C10orf90: variants seen among roughly 807,000 people sequenced by gnomAD.
C10orf90 encodes the protein (E2-independent) E3 ubiquitin-conjugating enzyme FATS.
A neutral mutation model predicts 62.5 loss-of-function variants in C10orf90; 56 were observed. That is an observed-to-expected ratio of 0.90 (90% CI 0.72 to 1.12). The LOEUF is 1.12. C10orf90 is among the 50% of genes most tolerant of loss of function. The probability of loss-of-function intolerance (pLI) is 0.00; values close to 1 mark genes in which losing one functional copy is unlikely to be tolerated. For synonymous variants in C10orf90, 386 were observed against 340.4 expected, an observed-to-expected ratio of 1.13 and a Z score of -1.47; for missense variants, 970 against 880.4, an observed-to-expected ratio of 1.10 and a Z score of -1.29.
intron 4 of C10orf90, among the ~76,000 whole-genome samples, 154 bp downstream of exon 4, chr10:126,503,803 G>A (rs574779022): frequency 6.6e-5 from 10 of 152,256 alleles, no homozygotes; most frequent in South Asian, 2.1e-4. Context: ...CATCGATGCC[G>A]AGCTATCAGT....
intron 1 of C10orf90, among the ~76,000 whole-genome samples, chr10:126,660,518 C>T (rs944971140): frequency 5.9e-5 from 9 of 152,216 alleles, no homozygotes; most frequent in Non-Finnish European, 1.2e-4. Context: ...ATGGGGACTT[C>T]AGCCCTGTAG....
At chr10:126,536,404 TGACTACTGCGTACTATCTGCGTAAG>T in intron 2 of C10orf90, among the ~76,000 whole-genome samples, 1 of 152,352 alleles carries the variant, frequency 6.6e-6, no homozygotes, top group East Asian at 1.9e-4. Flanking sequence ...TTTCCTTTCC[TGACTACTGCGTACTATCTGCGTAAG>T]GACCTCAGAT....
At chr10:126,538,787 A>G (rs1436807) in intron 2 of C10orf90, among the ~76,000 whole-genome samples, 99,456 of 152,144 alleles carry the variant, frequency 0.65, 33,540 homozygotes, top group African/African-American at 0.82. Context: ...TTAACCCTGT[A>G]CCATTCTACC....
intron 3 of C10orf90, among the ~76,000 whole-genome samples, chr10:126,510,819 A>G (rs1227495821): frequency 6.6e-6 from 1 of 152,260 alleles, no homozygotes; most frequent in African/African-American, 2.4e-5. Flanking sequence ...AGAAGGGCAT[A>G]ATTTCATAAA....
At chr10:126,461,633 TCACG>T in intron 5 of C10orf90, 48 bp from the exon 6 acceptor site, 1 of 1,569,438 alleles carries the variant, frequency 6.4e-7, no homozygotes, top group Middle Eastern at 1.8e-4. Context: ...CAAGTGATTT[TCACG>T]TGGCTCCTCA....
At chr10:126,448,998 A>G (rs1590921045) in intron 7 of C10orf90, among the ~76,000 whole-genome samples, 1 of 152,344 alleles carries the variant, frequency 6.6e-6, no homozygotes, top group East Asian at 1.9e-4. Flanking sequence ...CTCTTTCAAA[A>G]AAATTGAAGA....
intron 4 of C10orf90, among the ~76,000 whole-genome samples, chr10:126,484,549 T>C (rs1861329264): frequency 6.6e-6 from 1 of 152,160 alleles, no homozygotes; most frequent in Non-Finnish European, 1.5e-5. Context: ...ATTAGTAAAG[T>C]GTAGAGATAT....
chr10:126,429,940 A>G (rs1291452452), intron 7 of C10orf90, 90 bp from the exon 8 acceptor site: 1 of 1,111,856 alleles, frequency 9.0e-7, no homozygotes, highest in Non-Finnish European at 1.4e-6. Flanking sequence ...TAATCCGTTA[A>G]TTGATCCTTA....
chr10:126,538,188 C>T (rs1864285879), intron 2 of C10orf90, among the ~76,000 whole-genome samples: 1 of 152,134 alleles, frequency 6.6e-6, no homozygotes, highest in Non-Finnish European at 1.5e-5. Flanking sequence ...AGAGTGTGTT[C>T]AGGGGAACTC....
At chr10:126,628,036 A>G (rs902140926) in intron 2 of C10orf90, among the ~76,000 whole-genome samples, 2 of 152,214 alleles carry the variant, frequency 1.3e-5, no homozygotes, top group Admixed American at 1.3e-4. Context: ...GCATGGAATT[A>G]TACCCAAACT....
At chr10:126,537,196 A>T (rs1864260756) in intron 2 of C10orf90, among the ~76,000 whole-genome samples, 1 of 152,200 alleles carries the variant, frequency 6.6e-6, no homozygotes, top group Admixed American at 6.5e-5. Flanking sequence ...AGAAGCAACA[A>T]AGGAAATGGC....
chr10:126,425,695 T>A lies in C10orf90; in HGVS notation c.*169A>T. On this transcript the variant is annotated 3_prime_UTR_variant, in exon 10 of 10. Transcript: ENST00000488181. Reference sequence around the variant, plus strand: ...ATTTTCTCGAGGGTTATTGTTTCTGTTTGGCTTGGGTCAGTAATTCAGGAA... The same window carrying A: ...ATTTTCTCGAGGGTTATTGTTTCTGATTGGCTTGGGTCAGTAATTCAGGAA... 1 of 673,598 alleles carries A rather than the reference T, an allele frequency of 1.5e-6. No homozygotes were observed. The highest frequency in any genetic ancestry group is 3.1e-5 in the Admixed American group (1 of 31,794). The allele number at this position is 673,598 out of a possible 1,614,324, so 41.7% of individuals were successfully genotyped here.
intron 2 of C10orf90, among the ~76,000 whole-genome samples, chr10:126,557,392 A>G (rs1460441756): frequency 6.6e-6 from 1 of 151,096 alleles, no homozygotes; most frequent in Non-Finnish European, 1.5e-5. Context: ...AGGCAGGAGA[A>G]TGGCGTGAAC....
At chr10:126,480,023 T>C (rs1428619161) in intron 4 of C10orf90, among the ~76,000 whole-genome samples, 2 of 152,160 alleles carry the variant, frequency 1.3e-5, no homozygotes, top group Non-Finnish European at 2.9e-5. Context: ...TACTGAAAGG[T>C]TTTTATTGGC....
chr10:126,538,714 C>T (rs1864302408), intron 2 of C10orf90, among the ~76,000 whole-genome samples: 1 of 152,268 alleles, frequency 6.6e-6, no homozygotes, highest in East Asian at 1.9e-4. Flanking sequence ...GTTCGACATC[C>T]CACAGCTCCA....
rs148618247 is a variant in C10orf90, at chr10:126,623,714, G to A, written c.313+22851C>T. On this transcript the variant is annotated intron_variant, in intron 2 of 9. Transcript: ENST00000488181. ...AAATTTAGTCAGGGTGGTGGTGGGC[G>A]CCTGTAATCTCAGCTACTCTGGAGG... Among the ~76,000 whole-genome samples, 1,466 of 151,936 alleles carry A rather than the reference G, an allele frequency of 9.6e-3. 23 individuals carry two copies. Among genetic ancestry groups the A allele is most frequent in the African/African-American group, 0.032 (1,321 of 41,420 alleles).
At chr10:126,605,048 C>CTCGA (rs1463844442) in intron 2 of C10orf90, among the ~76,000 whole-genome samples, 1 of 152,198 alleles carries the variant, frequency 6.6e-6, no homozygotes, top group Non-Finnish European at 1.5e-5. Context: ...ATTCAAAGAA[C>CTCGA]TCGATTTTCA....
chr10:126,537,240 A>C (rs1208442683), intron 2 of C10orf90, among the ~76,000 whole-genome samples: 1 of 152,200 alleles, frequency 6.6e-6, no homozygotes, highest in East Asian at 1.9e-4. Flanking sequence ...GGTTTATGTG[A>C]CTGATGACAC....
chr10:126,611,351 TA>T (rs1450685852), intron 2 of C10orf90, among the ~76,000 whole-genome samples: 11 of 152,256 alleles, frequency 7.2e-5, no homozygotes, highest in Non-Finnish European at 1.6e-4. Flanking sequence ...TATTGCCGGA[TA>T]ATATTCTGTT....
Sources: allele counts gnomAD v4.1 joint callset (sites outside exome capture counted in the v4.1 genomes callset), GRCh38; gene constraint gnomAD v4.1.1; transcripts MANE v1.5; gene names NCBI Gene and HGNC (gene_info 2026-07-23, HGNC 2026-07-21).